GADD45A: variants seen among roughly 807,000 people sequenced by gnomAD.
GADD45A encodes the protein growth arrest and DNA damage-inducible protein GADD45 alpha.
In GADD45A, 9 loss-of-function variants were observed where a neutral mutation model predicts 17.7. The observed-to-expected ratio is 0.51, with a 90% CI of 0.31 to 0.89. The LOEUF (loss-of-function observed/expected upper bound fraction) is 0.89. Ranked by LOEUF, GADD45A falls within the 40% of genes least tolerant of loss-of-function variation. The pLI is 0.05. For missense variants in GADD45A, 149 were observed against 220.6 expected (o/e 0.68, Z 2.06); for synonymous variants, 95 against 92.2 (o/e 1.03, Z -0.17).
chr1:67,686,174 G>A (rs530764267), intron 2 of GADD45A, 48 bp downstream of exon 2: 5 of 1,508,982 alleles, frequency 3.3e-6, no homozygotes, highest in Middle Eastern at 1.8e-4. Flanking sequence ...TCCCGCCCCA[G>A]CCCGGGAGGT....
In GADD45A at chr1:67,686,486, C is replaced by T. The variant is rs1646134652; in HGVS notation, c.283C>T (p.Pro95Ser). The T allele has an allele frequency of 6.2e-7, 1 of 1,613,588 alleles. No individual in the cohort carries two copies. Among genetic ancestry groups the T allele is most frequent in the African/African-American group, 1.3e-5 (1 of 74,934 alleles). Residue 95 changes from proline (P) to serine (S), a missense_variant, in exon 3 of 4, where the codon CCG (proline) becomes TCG (serine). Transcript: ENST00000370986. ...CATCAACATCCTGCGCGTCAGCAAC[C>T]CGGGCCGGCTGGCGGAGCTCCTGCT... Reference protein sequence around the residue: ...NDINILRVSNPGRLAELLLLE... With the variant: ...NDINILRVSNSGRLAELLLLE...
Position 67,687,721 on chromosome 1 carries a change from G to A in GADD45A, c.445G>A (p.Glu149Lys). 1.2e-6 allele frequency: 2 copies of A among 1,613,370 alleles called. No individual in the cohort carries two copies. The highest frequency in any genetic ancestry group is 1.7e-6 in the Non-Finnish European group (2 of 1,179,840). The stretch of plus-strand genomic sequence containing the variant: ...AAGTCAACTTATTTGTTTTTGCCGG[G>A]AAAGTCGCTACATGGATCAATGGGT... Reference protein sequence around the residue: ...ALSQLICFCRESRYMDQWVPV... With the variant: ...ALSQLICFCRKSRYMDQWVPV... The change falls in exon 4 of 4, where the codon GAA becomes AAA. Residue 149 changes from glutamate (E) to lysine (K), a missense_variant. By Grantham distance (56) the Glu-to-Lys change is moderately conservative. Transcript: ENST00000370986.
In GADD45A at chr1:67,685,215, A is replaced by T. The variant is rs1397946; in HGVS notation, c.-280A>T. ...CTTTGTCCTCCAGTGGCTGGTAGGCAGTGGCTGGGAGGCAGCGGCCCAATT... is the reference window on the plus strand; with the variant it reads ...CTTTGTCCTCCAGTGGCTGGTAGGCTGTGGCTGGGAGGCAGCGGCCCAATT... On this transcript the variant is annotated 5_prime_UTR_variant, in exon 1 of 4. Coordinates refer to ENST00000370986, the MANE Select transcript of GADD45A (RefSeq NM_001924.4). The T allele has an allele frequency of 0.013, 6,199 of 459,908 alleles. 352 individuals carry two copies. The highest frequency in any genetic ancestry group is 0.12 in the African/African-American group (5,692 of 47,858). 28.5% of individuals were successfully genotyped at this position (459,908 alleles called of 1,614,324 possible).
At chr1:67,685,710 G>C (rs1646128235) in intron 1 of GADD45A, 172 bp downstream of exon 1, 4 of 689,972 alleles carry the variant, frequency 5.8e-6, no homozygotes, top group African/African-American at 5.5e-5. Context: ...GACTGAAAGA[G>C]CGTGCCCCCC....
chr1:67,686,549 G>T lies in GADD45A; in HGVS notation c.346G>T (p.Ala116Ser), dbSNP rs776346966. 6.2e-7 allele frequency: 1 copy of T among 1,612,182 alleles called. No individual in the cohort carries two copies. Reference sequence around the variant, plus strand: ...CGCTGGCCCCGCGGCGAGCGAGGGCGCCGAGCAGCCCCCGGACCTGCACTG... The same window carrying T: ...CGCTGGCCCCGCGGCGAGCGAGGGCTCCGAGCAGCCCCCGGACCTGCACTG... The part of the protein sequence containing the change: ...TDAGPAASEG[A>S]EQPPDLHCVL... The change falls in exon 3 of 4, where the codon GCC (alanine) becomes TCC (serine). Residue 116 changes from alanine to serine, a missense_variant. Ala to Ser is a moderately conservative substitution (Grantham distance 99, BLOSUM62 1). Coordinates refer to ENST00000370986, the MANE Select transcript of GADD45A (RefSeq NM_001924.4).
chr1:67,686,291 G>A, intron 2 of GADD45A, 59 bp from the exon 3 acceptor site: 1 of 1,515,794 alleles, frequency 6.6e-7, no homozygotes, highest in Non-Finnish European at 9.0e-7. Context: ...CCAGGGACCC[G>A]GGCAGTGGTT....
chr1:67,686,854 C>T (rs1570459158), intron 3 of GADD45A, among the ~76,000 whole-genome samples: 1 of 152,210 alleles, frequency 6.6e-6, no homozygotes, highest in African/African-American at 2.4e-5. Flanking sequence ...CTACTCCCTA[C>T]CTACATCTGC....
chr1:67,686,172 C>T (rs377316812), intron 2 of GADD45A, 46 bp downstream of exon 2: 33 of 1,515,880 alleles, frequency 2.2e-5, no homozygotes, highest in African/African-American at 4.2e-5. Context: ...CTTCCCGCCC[C>T]AGCCCGGGAG....
At chr1:67,685,966 C>T (rs535814652) in intron 1 of GADD45A, 59 bp from the exon 2 acceptor site, 12 of 1,108,802 alleles carry the variant, frequency 1.1e-5, no homozygotes, top group East Asian at 5.3e-5. Context: ...ACGAGGGGGG[C>T]GGCGATGGCC....
At position 67,686,525 on chromosome 1, in the gene GADD45A, G is replaced by A; in HGVS notation, c.322G>A (p.Ala108Thr). 1 of 1,612,276 alleles carries A rather than the reference G, an allele frequency of 6.2e-7. No homozygotes were observed. Among genetic ancestry groups the A allele is most frequent in the South Asian group, 1.1e-5 (1 of 91,050 alleles). Reference protein sequence around the residue: ...LAELLLLETDAGPAASEGAEQ... With the variant: ...LAELLLLETDTGPAASEGAEQ... The stretch of plus-strand genomic sequence containing the variant: ...GGAGCTCCTGCTCTTGGAGACCGAC[G>A]CTGGCCCCGCGGCGAGCGAGGGCGC... The change falls in exon 3 of 4, where the codon GCT (alanine) becomes ACT (threonine). Residue 108 changes from alanine (A) to threonine (T), a missense_variant. Ala to Thr is a moderately conservative substitution (Grantham distance 58). Coordinates refer to ENST00000370986, the MANE Select transcript of GADD45A (RefSeq NM_001924.4).
Position 67,686,875 on chromosome 1 carries a change from G to C in GADD45A, c.384+288G>C, listed in dbSNP as rs3783472. Among the ~76,000 whole-genome samples the C allele has an allele frequency of 2.5e-3, 375 of 152,334 alleles. 3 individuals carry two copies. The highest frequency in any genetic ancestry group is 8.8e-3 in the African/African-American group (365 of 41,568). On this transcript the variant is annotated intron_variant, in intron 3 of 3. Transcript: ENST00000370986. ...CCTACCTACATCTGCACTGCCTCCC[G>C]TGACTAATTCCTTTAGCAGGGCAGA...
chr1:67,685,892 G>T, intron 1 of GADD45A, 133 bp from the exon 2 acceptor site: 1 of 632,700 alleles, frequency 1.6e-6, no homozygotes, highest in South Asian at 2.0e-5. Context: ...CGGGAGCGCC[G>T]GGTTTTCGTA....
chr1:67,685,951 A>G (rs1207384258), intron 1 of GADD45A, 74 bp from the exon 2 acceptor site: 2 of 943,090 alleles, frequency 2.1e-6, no homozygotes, highest in African/African-American at 1.7e-5. Flanking sequence ...GGGGCGTGGT[A>G]CCGGACGAGG....
chr1:67,685,480 C>T lies in GADD45A; in HGVS notation c.-15C>T. The stretch of plus-strand genomic sequence containing the variant: ...CACGCCGCGCTCTCTCCCTGGGCGA[C>T]CTGCAGTTTGCAATATGACTTTGGA... On this transcript the variant is annotated 5_prime_UTR_variant, in exon 1 of 4. Transcript: ENST00000370986. The T allele has an allele frequency of 6.2e-7, 1 of 1,607,838 alleles. No homozygotes were observed. Among genetic ancestry groups the T allele is most frequent in the Non-Finnish European group, 8.5e-7 (1 of 1,176,922 alleles).
At chr1:67,686,244 T>A in intron 2 of GADD45A, 106 bp from the exon 3 acceptor site, 1 of 1,373,318 alleles carries the variant, frequency 7.3e-7, no homozygotes, top group Non-Finnish European at 1.0e-6. Context: ...TCTGCCTGTC[T>A]CGGAAGGGAG....
At chr1:67,685,895 T>G in intron 1 of GADD45A, 130 bp from the exon 2 acceptor site, 1 of 634,488 alleles carries the variant, frequency 1.6e-6, no homozygotes, top group Non-Finnish European at 2.7e-6. Flanking sequence ...GAGCGCCGGG[T>G]TTTCGTAGAG....
chr1:67,686,696 C>A, intron 3 of GADD45A, 109 bp downstream of exon 3: 2 of 886,888 alleles, frequency 2.3e-6, no homozygotes, highest in African/African-American at 1.7e-5. Context: ...AGGAGGGTGG[C>A]TGCCTTTGTC....
chr1:67,685,771 G>T (rs1169418996), intron 1 of GADD45A: 2 of 597,162 alleles, frequency 3.3e-6, no homozygotes, highest in Non-Finnish European at 5.9e-6. Context: ...AGTGGCCGTC[G>T]CTGCCCGTGC....
At chr1:67,687,533 G>T in intron 3 of GADD45A, 128 bp from the exon 4 acceptor site, 1 of 629,938 alleles carries the variant, frequency 1.6e-6, no homozygotes, top group South Asian at 2.0e-5. Flanking sequence ...TAATTTTTTT[G>T]TGCTTCTAAT....
Sources: allele counts gnomAD v4.1 joint callset (sites outside exome capture counted in the v4.1 genomes callset), GRCh38; gene constraint gnomAD v4.1.1; transcripts MANE v1.5; gene names NCBI Gene and HGNC (gene_info 2026-07-23, HGNC 2026-07-21).